TTC39C: variants seen among roughly 807,000 people sequenced by gnomAD.
TTC39C encodes tetratricopeptide repeat protein 39C.
A neutral mutation model predicts 76.3 loss-of-function variants in TTC39C; 33 were observed. The ratio of observed to expected loss-of-function variants is 0.43; its 90% CI spans 0.33 to 0.58. TTC39C has a LOEUF of 0.58. Among genes scored for constraint, TTC39C ranks in the 20% least tolerant of loss-of-function variants. The pLI, the probability that TTC39C is intolerant of heterozygous loss-of-function variation, is 0.04. For missense variants in TTC39C, 595 were observed against 701.4 expected (o/e 0.85, Z 1.71); for synonymous variants, 254 against 260.6 (o/e 0.97, Z 0.24).
chr18:24,025,704 G>T (rs948386205), intron 1 of TTC39C, among the ~76,000 whole-genome samples: 6 of 152,162 alleles, frequency 3.9e-5, no homozygotes, highest in African/African-American at 1.4e-4. Context: ...GGCCCAACAG[G>T]TTTGCAAAAT....
chr18:24,120,304 C>T (rs1048646780), intron 8 of TTC39C, among the ~76,000 whole-genome samples: 4 of 152,130 alleles, frequency 2.6e-5, no homozygotes, highest in East Asian at 3.9e-4. Context: ...GAGCTGAGAT[C>T]GCTCCACTGC....
chr18:24,079,752 A>ATT (rs72531208), intron 4 of TTC39C, among the ~76,000 whole-genome samples: 4 of 145,848 alleles, frequency 2.7e-5, no homozygotes, highest in South Asian at 4.3e-4. Context: ...TGCTTATTTT[A>ATT]TTTTTTTTTG....
At chr18:24,121,782 T>C (rs978862138) in intron 8 of TTC39C, among the ~76,000 whole-genome samples, 3 of 152,168 alleles carry the variant, frequency 2.0e-5, no homozygotes, top group Non-Finnish European at 2.9e-5. Context: ...ATATATTCTT[T>C]TTCATTGATT....
intron 1 of TTC39C, among the ~76,000 whole-genome samples, chr18:24,058,918 C>T (rs1395210732): frequency 1.3e-5 from 2 of 152,100 alleles, no homozygotes; most frequent in East Asian, 1.9e-4. Context: ...TGGATACCCT[C>T]ATTTGTGAAG....
chr18:24,113,983 G>T, intron 6 of TTC39C: 1 of 387,408 alleles, frequency 2.6e-6, no homozygotes, highest in East Asian at 6.2e-5. Context: ...CTAGGGTATA[G>T]AAGCAAACTA....
intron 11 of TTC39C, among the ~76,000 whole-genome samples, chr18:24,129,903 A>T (rs4393652): frequency 0.99 from 151,174 of 152,302 alleles, 75,039 homozygotes; most frequent in East Asian, 1. Flanking sequence ...AGCCCTAAAT[A>T]GCTTATTTTA....
chr18:24,000,148 G>A (rs1470488989), intron 1 of TTC39C, among the ~76,000 whole-genome samples: 1 of 152,180 alleles, frequency 6.6e-6, no homozygotes, highest in Non-Finnish European at 1.5e-5. Flanking sequence ...GGGCTCTGAT[G>A]TTTGTCAACT....
chr18:24,100,872 C>T (rs1031914938), intron 6 of TTC39C, among the ~76,000 whole-genome samples: 3 of 152,180 alleles, frequency 2.0e-5, no homozygotes, highest in Non-Finnish European at 4.4e-5. Context: ...CCCAGTCTCA[C>T]TGATTTGATG....
chr18:24,070,837 A>T (rs1013282351), intron 4 of TTC39C, among the ~76,000 whole-genome samples: 8 of 152,040 alleles, frequency 5.3e-5, no homozygotes, highest in Admixed American at 3.3e-4. Flanking sequence ...AGTGAGACTT[A>T]AAAAGAAAAG....
At chr18:24,118,894 G>A (rs1049457880) in intron 8 of TTC39C, among the ~76,000 whole-genome samples, 2 of 152,056 alleles carry the variant, frequency 1.3e-5, no homozygotes. Flanking sequence ...GGCCTCAAGT[G>A]ATCCTCCTGC....
At chr18:24,092,769 T>C (rs1599318239) in intron 6 of TTC39C, among the ~76,000 whole-genome samples, 1 of 152,188 alleles carries the variant, frequency 6.6e-6, no homozygotes, top group African/African-American at 2.4e-5. Flanking sequence ...GGATACATGG[T>C]ACATAGTTTC....
In TTC39C at chr18:24,027,933, G is replaced by A. The variant is rs1479985269; in HGVS notation, c.167+12895G>A. 2.6e-5 allele frequency among the ~76,000 whole-genome samples: 4 copies of A among 152,124 alleles called. No individual in the cohort carries two copies. The East Asian group carries it at 5.8e-4, about 22-fold the overall frequency. ...CAGGCCTACAGTTGTTGAAGGAATT[G>A]GGCTACTGACTTTTTTCCACATTAT... On this transcript the variant is annotated intron_variant, in intron 1 of 13. Coordinates refer to ENST00000317571, the MANE Select transcript of TTC39C (RefSeq NM_001135993.2).
At chr18:24,020,461 G>A (rs987080691) in intron 1 of TTC39C, among the ~76,000 whole-genome samples, 7 of 152,320 alleles carry the variant, frequency 4.6e-5, no homozygotes, top group African/African-American at 1.7e-4. Flanking sequence ...GCCTTTAAAA[G>A]AATGTGTTCT....
chr18:24,016,581 C>CT (rs1305607365), intron 1 of TTC39C: 1 of 397,598 alleles, frequency 2.5e-6, no homozygotes, highest in African/African-American at 2.1e-5. Context: ...TTTAACCCTT[C>CT]TTTAGTAGGC....
chr18:24,089,388 C>A (rs1453341384), intron 6 of TTC39C, among the ~76,000 whole-genome samples: 1 of 152,132 alleles, frequency 6.6e-6, no homozygotes, highest in Non-Finnish European at 1.5e-5. Flanking sequence ...TCATTGTAGT[C>A]TTCTCTTCCT....
chr18:24,103,810 C>G (rs1329875334), intron 6 of TTC39C, among the ~76,000 whole-genome samples: 1 of 151,322 alleles, frequency 6.6e-6, no homozygotes, highest in African/African-American at 2.4e-5. Flanking sequence ...GCAGTCTGCT[C>G]TAACATATCT....
chr18:24,090,797 C>CTT (rs1218689781), intron 6 of TTC39C, among the ~76,000 whole-genome samples: 62 of 79,542 alleles, frequency 7.8e-4, no homozygotes, highest in Non-Finnish European at 1.1e-3. Context: ...GATTAATTTA[C>CTT]TTTTTTTTTT....
At chr18:24,073,884 A>G (rs1453692751) in intron 4 of TTC39C, among the ~76,000 whole-genome samples, 1 of 152,216 alleles carries the variant, frequency 6.6e-6, no homozygotes, top group Non-Finnish European at 1.5e-5. Context: ...GGTATCACAT[A>G]GCAATACTCA....
At chr18:24,027,943 C>T (rs2083618690) in intron 1 of TTC39C, among the ~76,000 whole-genome samples, 1 of 152,134 alleles carries the variant, frequency 6.6e-6, no homozygotes, top group African/African-American at 2.4e-5. Context: ...GGGCTACTGA[C>T]TTTTTTCCAC....
Sources: gnomAD v4.1 joint callset for allele counts (sites outside exome capture counted in the v4.1 genomes callset) on GRCh38, gnomAD v4.1.1 for gene constraint, MANE v1.5 for transcripts, NCBI Gene and HGNC (gene_info 2026-07-23, HGNC 2026-07-21) for gene names.